Variants in FHDC1 observed in about 807,000 individuals in gnomAD.
FHDC1 encodes the protein FH2 domain-containing protein 1.
In FHDC1, 25 loss-of-function variants were observed where a neutral mutation model predicts 52.6. That is an observed-to-expected ratio of 0.48 (90% CI 0.35 to 0.66). The LOEUF (loss-of-function observed/expected upper bound fraction) is 0.66. FHDC1 is among the 30% of genes least tolerant of loss of function. FHDC1 has a pLI of 0.01. For synonymous variants in FHDC1, 616 were observed against 581.5 expected (o/e 1.06, Z -0.85); for missense variants, 1,459 against 1,452.8 (o/e 1.00, Z -0.07).
In FHDC1 at chr4:152,976,062, C is replaced by G. The variant is rs748491343; in HGVS notation, c.2771C>G (p.Ser924Cys). ...GGCTGGAGGCGACCAGAGCTGTCAT[C>G]CCGGGGGCCCTCCCAGAATCCCCCC... is the stretch of plus-strand genomic sequence containing the variant. ...GAGWRRPELS[S>C]RGPSQNPPSS... The change falls in exon 12 of 12, where the codon TCC becomes TGC. Residue 924 changes from serine to cysteine, a missense_variant. Physicochemically the swap from Ser to Cys is moderately radical, Grantham distance 112 (BLOSUM62 -1). Transcript: ENST00000511601. 6.3e-7 allele frequency: 1 copy of G among 1,598,330 alleles called. No homozygotes were observed. The highest frequency in any genetic ancestry group is 1.7e-5 in the Admixed American group (1 of 57,726).
rs187477645 is a variant in FHDC1 at position 152,941,823 on chromosome 4, G to A, written c.-130-1105G>A. On this transcript the variant is annotated intron_variant, in intron 1 of 11. Transcript: ENST00000511601. The stretch of plus-strand genomic sequence containing the variant: ...AGAAAATTACACCCCGAAGTGCCGT[G>A]TAAAAAGCCATTGTGTATGGCCCTT... Among the ~76,000 whole-genome samples the A allele has an allele frequency of 2.8e-3, 433 of 152,256 alleles. 3 individuals carry two copies. The highest frequency in any genetic ancestry group is 2.7e-3 in the Non-Finnish European group (182 of 68,020).
chr4:152,954,954 A>G (rs1740038958), intron 4 of FHDC1, among the ~76,000 whole-genome samples: 1 of 152,174 alleles, frequency 6.6e-6, no homozygotes, highest in South Asian at 2.1e-4. Context: ...CAAGATGATG[A>G]AATCCTAGTT....
At position 152,963,099 on chromosome 4, in the gene FHDC1, C is replaced by G. The variant is rs1300607441; in HGVS notation, c.998C>G (p.Pro333Arg). The G allele has an allele frequency of 6.2e-7, 1 of 1,614,016 alleles. No individual in the cohort carries two copies. The highest frequency in any genetic ancestry group is 1.3e-5 in the African/African-American group (1 of 74,994). Reference protein sequence around the residue: ...LKLADTKANKPGMNLLHFVAQ... With the variant: ...LKLADTKANKRGMNLLHFVAQ... ...TTGGCAGACACAAAAGCAAACAAAC[C>G]TGGGATGAATCTCCTGCACTTTGTT... The change falls in exon 8 of 12, where the codon CCT becomes CGT. Residue 333 changes from proline to arginine, a missense_variant. Physicochemically the swap from Pro to Arg is moderately radical, Grantham distance 103 (BLOSUM62 -2). Around this residue, in one of 3 missense-constraint regions of FHDC1, gnomAD observed 513 missense variants for 581.5 expected, o/e 0.88. Transcript: ENST00000511601.
At chr4:152,917,470 G>C in the FHDC1 span, among the ~76,000 whole-genome samples, 13 of 152,030 alleles carry the variant, frequency 8.6e-5, no homozygotes, top group Admixed American at 7.2e-4. Context: ...CCTCAAATAA[G>C]TAAAGGATAT....
In FHDC1 at chr4:152,974,824, T is replaced by A; in HGVS notation, c.1533T>A (p.Gly511=). Residue 511 remains glycine (G), a synonymous_variant, in exon 12 of 12, where the codon GGT becomes GGA. Transcript: ENST00000511601. ...ENDVELLTKK[G]AEGLLPFLHP... ...ATGTGGAGCTGCTGACCAAGAAGGGTGCAGAGGGCCTGCTCCCTTTCCTGC... is the reference window on the plus strand; with the variant it reads ...ATGTGGAGCTGCTGACCAAGAAGGGAGCAGAGGGCCTGCTCCCTTTCCTGC... 1 of 1,589,130 alleles carries A rather than the reference T, an allele frequency of 6.3e-7. No individual in the cohort carries two copies. Among genetic ancestry groups the A allele is most frequent in the South Asian group, 1.1e-5 (1 of 88,392 alleles).
At chr4:152,964,546 G>A (rs1485998572) in intron 8 of FHDC1, among the ~76,000 whole-genome samples, 1 of 152,182 alleles carries the variant, frequency 6.6e-6, no homozygotes, top group Non-Finnish European at 1.5e-5. Context: ...TTTGCAAACT[G>A]GTTTAACAGC....
At chr4:152,944,030 T>TA (rs1013175162) in intron 2 of FHDC1, among the ~76,000 whole-genome samples, 20 of 152,346 alleles carry the variant, frequency 1.3e-4, no homozygotes, top group African/African-American at 4.6e-4. Context: ...CTCTAGTTTT[T>TA]ATATAACAAG....
upstream of FHDC1, among the ~76,000 whole-genome samples, chr4:152,933,729 CAAAAAAAAAAAA>C (rs70949623): frequency 3.0e-4 from 18 of 60,766 alleles, no homozygotes; most frequent in African/African-American, 1.0e-3. Flanking sequence ...GACCCCGTCT[CAAAAAAAAAAAA>C]AAAAAAAAAA....
rs768196793 is a variant in FHDC1 at position 152,975,036 on chromosome 4, C to T, written c.1745C>T (p.Thr582Met). The part of the protein sequence containing the change: ...PRSSPRQARP[T>M]IACLEPAEVR... Reference sequence around the variant, plus strand: ...AGCAGCCCCCGGCAGGCCCGGCCCACGATAGCCTGCCTGGAGCCTGCAGAA... The same window carrying T: ...AGCAGCCCCCGGCAGGCCCGGCCCATGATAGCCTGCCTGGAGCCTGCAGAA... The change falls in exon 12 of 12, where the codon ACG (threonine) becomes ATG (methionine). Residue 582 changes from threonine to methionine, a missense_variant. By Grantham distance (81) the Thr-to-Met change is moderately conservative. Around this residue, in one of 3 missense-constraint regions of FHDC1, gnomAD observed 939 missense variants for 854.5 expected, o/e 1.10. Transcript: ENST00000511601. 32 of 1,612,550 alleles carry T rather than the reference C, an allele frequency of 2.0e-5. No homozygotes were observed. The highest frequency in any genetic ancestry group is 8.9e-5 in the East Asian group (4 of 44,856).
At chr4:152,915,561 AAATT>A in the FHDC1 span, among the ~76,000 whole-genome samples, 1 of 152,248 alleles carries the variant, frequency 6.6e-6, no homozygotes, top group African/African-American at 2.4e-5. Flanking sequence ...AACTTACTCT[AAATT>A]AATGTCAGGA....
the FHDC1 span, among the ~76,000 whole-genome samples, chr4:152,923,462 C>T: frequency 1.3e-5 from 2 of 152,054 alleles, no homozygotes; most frequent in Non-Finnish European, 2.9e-5. Context: ...CAGTGCCATC[C>T]CCATCAAGCT....
intron 8 of FHDC1, 72 bp downstream of exon 8, chr4:152,963,202 C>A (rs1428344225): frequency 5.0e-5 from 66 of 1,322,264 alleles, no homozygotes; most frequent in Non-Finnish European, 6.5e-5. Context: ...TTTTCCCAGG[C>A]ATAAGATGGT....
the FHDC1 span, among the ~76,000 whole-genome samples, chr4:152,928,592 C>T: frequency 1.3e-5 from 2 of 152,154 alleles, no homozygotes; most frequent in Admixed American, 1.3e-4. Context: ...GAAGTAAGGG[C>T]AGTTATTGGA....
chr4:152,947,382 G>T (rs1236320344), intron 2 of FHDC1, among the ~76,000 whole-genome samples: 10 of 152,068 alleles, frequency 6.6e-5, no homozygotes, highest in African/African-American at 2.4e-4. Flanking sequence ...ATATTACTGG[G>T]GATGAGACGA....
intron 11 of FHDC1, among the ~76,000 whole-genome samples, chr4:152,973,556 C>G (rs1194474909): frequency 6.6e-6 from 1 of 152,228 alleles, no homozygotes; most frequent in Admixed American, 6.5e-5. Context: ...GTGTGATGCT[C>G]TCAGCCCCAC....
chr4:152,920,217 G>A, the FHDC1 span, among the ~76,000 whole-genome samples: 445 of 152,090 alleles, frequency 2.9e-3, 1 homozygote, highest in Non-Finnish European at 4.2e-3. Context: ...AAAGTGCTGG[G>A]ATTACATGCG....
intron 2 of FHDC1, among the ~76,000 whole-genome samples, chr4:152,952,156 T>A (rs1739946331): frequency 6.6e-6 from 1 of 152,214 alleles, no homozygotes; most frequent in African/African-American, 2.4e-5. Context: ...TCCTAAAAGG[T>A]CTGTTGGACA....
In FHDC1 at chr4:152,975,885, G is replaced by T. The variant is rs1308706368; in HGVS notation, c.2594G>T (p.Gly865Val). ...KRKDVVAPKR[G>V]SLKEASPGAS... ...AAAGATGTTGTAGCACCAAAGAGAG[G>T]CTCCCTGAAAGAGGCGTCTCCCGGG... Residue 865 changes from glycine (G) to valine (V), a missense_variant, in exon 12 of 12, where the codon GGC becomes GTC. Physicochemically the swap from Gly to Val is moderately radical, Grantham distance 109. Transcript: ENST00000511601. The T allele has an allele frequency of 6.6e-7, 1 of 1,514,110 alleles. No individual in the cohort carries two copies. Among genetic ancestry groups the T allele is most frequent in the East Asian group, 2.3e-5 (1 of 43,996 alleles). 93.8% of individuals were successfully genotyped at this position (1,514,110 alleles called of 1,614,324 possible). A position where few individuals can be genotyped will look rare whatever the true frequency, so the allele number is the denominator to read the frequency against.
intron 11 of FHDC1, among the ~76,000 whole-genome samples, chr4:152,973,312 C>T (rs1399083413): frequency 6.6e-6 from 1 of 152,234 alleles, no homozygotes; most frequent in South Asian, 2.1e-4. Flanking sequence ...TAGTCCATAG[C>T]TGAATTTCTT....
Sources: allele counts gnomAD v4.1 joint callset (sites outside exome capture counted in the v4.1 genomes callset), GRCh38; gene constraint gnomAD v4.1.1; regional missense constraint gnomAD v4.1.1; transcripts MANE v1.5; gene names NCBI Gene and HGNC (gene_info 2026-07-23, HGNC 2026-07-21).